The following TMEM163 variants were observed in gnomAD, a reference collection of about 807,000 sequenced individuals.
The protein encoded by TMEM163 is transmembrane protein 163.
TMEM163 carries 17 observed loss-of-function variants against 29.3 expected under a neutral mutation model. The observed-to-expected ratio is 0.58, with a 90% CI of 0.40 to 0.87. The LOEUF is 0.87. TMEM163 is among the 40% of genes least tolerant of loss of function. The pLI is 0.00. For missense variants in TMEM163, 303 were observed against 381.5 expected (o/e 0.79, Z 1.71); for synonymous variants, 157 against 160.6 (o/e 0.98, Z 0.17).
chr2:134,501,030 T>A (rs1679685542), intron 5 of TMEM163, among the ~76,000 whole-genome samples: 1 of 152,214 alleles, frequency 6.6e-6, no homozygotes, highest in Admixed American at 6.5e-5. Context: ...ATGTTTGAGA[T>A]AATGGATATG....
At chr2:134,673,879 G>T (rs11898465) in intron 2 of TMEM163, among the ~76,000 whole-genome samples, 84,880 of 152,066 alleles carry the variant, frequency 0.56, 25,009 homozygotes, top group African/African-American at 0.69. Context: ...AACTTTGTGC[G>T]GTTTTAAGCC....
chr2:134,711,777 C>T (rs1027718952), intron 2 of TMEM163, among the ~76,000 whole-genome samples: 12 of 152,192 alleles, frequency 7.9e-5, no homozygotes, highest in African/African-American at 2.7e-4. Flanking sequence ...CCCAATATTT[C>T]TTCTCATTCA....
At chr2:134,490,932 G>T (rs1269789287) in intron 5 of TMEM163, among the ~76,000 whole-genome samples, 1 of 152,156 alleles carries the variant, frequency 6.6e-6, no homozygotes. Context: ...AGCCAGAAAT[G>T]TTATGAGGAT....
chr2:134,693,428 G>A (rs972731289), intron 2 of TMEM163, among the ~76,000 whole-genome samples: 15 of 151,998 alleles, frequency 9.9e-5, no homozygotes, highest in Non-Finnish European at 2.1e-4. Context: ...CCAACATGGC[G>A]AAACCCCATC....
intron 4 of TMEM163, among the ~76,000 whole-genome samples, chr2:134,528,060 A>G (rs982563194): frequency 2.0e-5 from 3 of 152,224 alleles, no homozygotes; most frequent in Non-Finnish European, 2.9e-5. Flanking sequence ...AAGTCCAACA[A>G]GACAGAACGA....
At chr2:134,529,989 GTGCC>G (rs1386479055) in intron 4 of TMEM163, among the ~76,000 whole-genome samples, 1 of 152,092 alleles carries the variant, frequency 6.6e-6, no homozygotes, top group Non-Finnish European at 1.5e-5. Flanking sequence ...GCTGGCATCA[GTGCC>G]TGCCAAGGCC....
At position 134,465,196 on chromosome 2, in the gene TMEM163, A is replaced by AAAAAAAAAAC. The variant is rs1171953438; in HGVS notation, c.667+917_667+918insGTTTTTTTTT. Among the ~76,000 whole-genome samples the AAAAAAAAAAC allele has an allele frequency of 5.7e-5, 8 of 139,690 alleles. No homozygotes were observed. In the East Asian group the frequency reaches 1.1e-3, roughly 19 times the overall value. The allele number at this position is 139,690 out of a possible 152,430, so 91.6% of individuals were successfully genotyped here. A position where few individuals can be genotyped will look rare whatever the true frequency, so the allele number is the denominator to read the frequency against. On this transcript the variant is annotated intron_variant, in intron 6 of 7. Coordinates refer to ENST00000281924, the MANE Select transcript of TMEM163 (RefSeq NM_030923.5). ...ATGGTGAGTCCGCATCTTTAAAAAA[A>AAAAAAAAAAC]AAAAAAACAAAAACAAAACAAAAAT...
intron 2 of TMEM163, among the ~76,000 whole-genome samples, chr2:134,677,835 C>A (rs1205998313): frequency 6.6e-6 from 1 of 152,136 alleles, no homozygotes; most frequent in East Asian, 1.9e-4. Flanking sequence ...TCAACAGTTC[C>A]TAATGAAATG....
At chr2:134,674,500 C>A (rs1219412665) in intron 2 of TMEM163, among the ~76,000 whole-genome samples, 4 of 90,120 alleles carry the variant, frequency 4.4e-5, no homozygotes, top group Non-Finnish European at 9.3e-5. Context: ...CGCGCGCGCG[C>A]GCGCGCGCGC....
At position 134,657,153 on chromosome 2, in the gene TMEM163, T is replaced by A. The variant is rs1420756240; in HGVS notation, c.322+56047A>T. On this transcript the variant is annotated intron_variant, in intron 2 of 7. Transcript: ENST00000281924. ...TCCTCCTCAATTTTTCGGAATACTT[T>A]TAGTTAGTAGGATTGGTACAAGCTC... 2.0e-5 allele frequency among the ~76,000 whole-genome samples: 3 copies of A among 152,208 alleles called. No individual in the cohort carries two copies. The East Asian group carries it at 5.8e-4, about 29-fold the overall frequency.
intron 1 of TMEM163, among the ~76,000 whole-genome samples, chr2:134,714,366 G>T (rs563831786): frequency 6.6e-6 from 1 of 152,290 alleles, no homozygotes; most frequent in South Asian, 2.1e-4. Context: ...GAAGAAATTG[G>T]TAATGAAAGC....
intron 1 of TMEM163, among the ~76,000 whole-genome samples, chr2:134,716,797 G>A (rs989525120): frequency 2.6e-5 from 4 of 152,264 alleles, no homozygotes; most frequent in African/African-American, 9.6e-5. Context: ...TAACGTTCTC[G>A]TTTACTTAAC....
At chr2:134,470,811 A>G (rs1257488129) in intron 5 of TMEM163, among the ~76,000 whole-genome samples, 1 of 152,086 alleles carries the variant, frequency 6.6e-6, no homozygotes, top group South Asian at 2.1e-4. Context: ...CTCTCTCCAC[A>G]CGGCTGCCAT....
At chr2:134,704,110 A>G (rs1366723714) in intron 2 of TMEM163, among the ~76,000 whole-genome samples, 3 of 151,940 alleles carry the variant, frequency 2.0e-5, no homozygotes, top group Admixed American at 2.0e-4. Context: ...CCTCCATGGG[A>G]CACCTACTGG....
intron 2 of TMEM163, among the ~76,000 whole-genome samples, chr2:134,676,525 A>G (rs1308024757): frequency 6.6e-6 from 1 of 152,192 alleles, no homozygotes; most frequent in African/African-American, 2.4e-5. Context: ...CATACAATTC[A>G]CTGATTTCCA....
intron 5 of TMEM163, among the ~76,000 whole-genome samples, chr2:134,489,532 G>A (rs531852367): frequency 6.9e-4 from 103 of 149,278 alleles, no homozygotes; most frequent in African/African-American, 2.5e-3. Context: ...AGCCGAGATC[G>A]CACCACTGCA....
chr2:134,660,225 G>A (rs566684795), intron 2 of TMEM163, among the ~76,000 whole-genome samples: 2 of 152,226 alleles, frequency 1.3e-5, no homozygotes, highest in Admixed American at 1.3e-4. Context: ...AAACACCAGA[G>A]GGTTTTTAAG....
At chr2:134,646,737 G>C (rs1190396149) in intron 2 of TMEM163, among the ~76,000 whole-genome samples, 1 of 152,180 alleles carries the variant, frequency 6.6e-6, no homozygotes, top group African/African-American at 2.4e-5. Flanking sequence ...GAGCCACCAT[G>C]TCTGGGCCAT....
intron 5 of TMEM163, among the ~76,000 whole-genome samples, chr2:134,490,136 G>A (rs1297151882): frequency 6.6e-6 from 1 of 152,178 alleles, no homozygotes; most frequent in East Asian, 1.9e-4. Flanking sequence ...ATAATGCAGT[G>A]TGCTGAGCTA....
Sources: allele counts gnomAD v4.1 joint callset (sites outside exome capture counted in the v4.1 genomes callset), GRCh38; gene constraint gnomAD v4.1.1; transcripts MANE v1.5; gene names NCBI Gene and HGNC (gene_info 2026-07-23, HGNC 2026-07-21).